Variants in CCDC169 observed in about 807,000 individuals in gnomAD.
CCDC169 encodes the protein coiled-coil domain-containing protein 169.
A neutral mutation model predicts 36.0 loss-of-function variants in CCDC169; 30 were observed. The observed-to-expected ratio is 0.83, with a 90% CI of 0.62 to 1.13. The LOEUF is 1.13. Among genes scored for constraint, CCDC169 ranks in the 50% most tolerant of loss-of-function variants. CCDC169 has a pLI of 0.00. For missense variants in CCDC169, 245 were observed against 245.9 expected (o/e 1.00, Z 0.03); for synonymous variants, 85 against 81.5 (o/e 1.04, Z -0.23).
downstream of CCDC169, among the ~76,000 whole-genome samples, chr13:36,228,203 T>C (rs1283679634): frequency 6.6e-6 from 1 of 152,206 alleles, no homozygotes; most frequent in Non-Finnish European, 1.5e-5. Context: ...TGCTGTGTCA[T>C]ATAGTAACTC....
chr13:36,249,004 C>G (rs73167278), intron 6 of CCDC169, among the ~76,000 whole-genome samples: 21,139 of 152,090 alleles, frequency 0.14, 1,974 homozygotes, highest in Non-Finnish European at 0.2. Context: ...ATGCAGGCAC[C>G]CTGCCATTAC....
chr13:36,246,788 G>T (rs1451362734), intron 7 of CCDC169, among the ~76,000 whole-genome samples: 1 of 152,156 alleles, frequency 6.6e-6, no homozygotes, highest in Non-Finnish European at 1.5e-5. Flanking sequence ...GATGCAAGCT[G>T]AGAAAAGTGG....
downstream of CCDC169, among the ~76,000 whole-genome samples, chr13:36,229,383 A>C (rs1460439638): frequency 6.6e-6 from 1 of 152,146 alleles, no homozygotes; most frequent in East Asian, 1.9e-4. Context: ...ACCAACACTT[A>C]AATGTAATAG....
In CCDC169 at chr13:36,297,673, C is replaced by A; in HGVS notation, c.47G>T (p.Arg16Leu). 6.4e-7 allele frequency: 1 copy of A among 1,551,260 alleles called. No individual in the cohort carries two copies. Among genetic ancestry groups the A allele is most frequent in the East Asian group, 2.4e-5 (1 of 40,906 alleles). The change falls in exon 1 of 8, where the codon CGC (arginine) becomes CTC (leucine). Residue 16 changes from arginine (R) to leucine (L), a missense_variant. Coordinates refer to ENST00000239859, the MANE Select transcript of CCDC169 (RefSeq NM_001144981.3). ...TTCTTCCAGCAACTGCTGTTTCAGG[C>A]GGTTGGTGCTCACACCGTCGAAGTT... The part of the protein sequence containing the change: ...NYNFDGVSTN[R>L]LKQQLLEEVR...
intron 7 of CCDC169, among the ~76,000 whole-genome samples, chr13:36,236,474 C>T (rs1871094799): frequency 6.6e-6 from 1 of 151,890 alleles, no homozygotes; most frequent in Non-Finnish European, 1.5e-5. Context: ...GGACGCCTAC[C>T]TCACATCATA....
At chr13:36,268,766 A>G (rs976557047) in intron 4 of CCDC169, among the ~76,000 whole-genome samples, 1 of 152,220 alleles carries the variant, frequency 6.6e-6, no homozygotes, top group Non-Finnish European at 1.5e-5. Flanking sequence ...AAGCTCAATT[A>G]GAAATGATCC....
At chr13:36,292,412 TAAAAAA>T (rs904786448) in intron 2 of CCDC169, among the ~76,000 whole-genome samples, 2 of 151,460 alleles carry the variant, frequency 1.3e-5, no homozygotes, top group African/African-American at 4.9e-5. Flanking sequence ...TCTTCTTGCT[TAAAAAA>T]AAAGTCACCT....
At chr13:36,250,214 T>C (rs967005078) in intron 6 of CCDC169, among the ~76,000 whole-genome samples, 6 of 152,028 alleles carry the variant, frequency 3.9e-5, no homozygotes, top group African/African-American at 1.5e-4. Context: ...TAGGTAAAAG[T>C]AACAGTAAGG....
At chr13:36,242,262 C>G (rs1303961177) in intron 7 of CCDC169, among the ~76,000 whole-genome samples, 1 of 152,174 alleles carries the variant, frequency 6.6e-6, no homozygotes. Context: ...ACATCCTTGA[C>G]AACACTTGGA....
intron 2 of CCDC169, among the ~76,000 whole-genome samples, chr13:36,285,384 A>G (rs1217137375): frequency 6.6e-6 from 1 of 152,036 alleles, no homozygotes; most frequent in Non-Finnish European, 1.5e-5. Context: ...CCCCGTCTCT[A>G]CTAAAGAATA....
intron 4 of CCDC169, among the ~76,000 whole-genome samples, chr13:36,275,816 TCA>T (rs1876729046): frequency 6.6e-6 from 1 of 152,060 alleles, no homozygotes; most frequent in South Asian, 2.1e-4. Context: ...GAAATTAGTA[TCA>T]CAGTCAGGAA....
chr13:36,253,560 T>C (rs9546883), intron 6 of CCDC169, among the ~76,000 whole-genome samples: 61,372 of 151,906 alleles, frequency 0.4, 13,174 homozygotes, highest in Non-Finnish European at 0.48. Context: ...TGGTCTCAAA[T>C]GCCTGACCTC....
intron 4 of CCDC169, among the ~76,000 whole-genome samples, chr13:36,266,599 C>A (rs191102977): frequency 2.0e-5 from 3 of 152,310 alleles, no homozygotes; most frequent in African/African-American, 7.2e-5. Flanking sequence ...CACCCTTCCA[C>A]TACTGGTATA....
At position 36,276,881 on chromosome 13, in the gene CCDC169, T is replaced by C. The variant is rs184054868; in HGVS notation, c.315+6588A>G. On this transcript the variant is annotated intron_variant, in intron 4 of 7. Coordinates refer to ENST00000239859, the MANE Select transcript of CCDC169 (RefSeq NM_001144981.3). ...GTTGATCTTAAGTTGTGCTCTGTAA[T>C]AGAGCCTATTGTGAGGTCTGCCAAA... 1.1e-3 allele frequency among the ~76,000 whole-genome samples: 168 copies of C among 152,262 alleles called. 1 individual carries two copies. The highest frequency in any genetic ancestry group is 4.1e-4 in the Non-Finnish European group (28 of 68,022).
At chr13:36,235,972 T>C (rs1018729741) in intron 7 of CCDC169, among the ~76,000 whole-genome samples, 17 of 151,986 alleles carry the variant, frequency 1.1e-4, no homozygotes, top group African/African-American at 4.1e-4. Flanking sequence ...TACACTAAAA[T>C]CTATAAAATA....
chr13:36,226,982 A>G, downstream of CCDC169: 1 of 427,210 alleles, frequency 2.3e-6, no homozygotes, highest in East Asian at 3.3e-5. Flanking sequence ...AAAAAATAAA[A>G]TCCTTATCTC....
intron 7 of CCDC169, among the ~76,000 whole-genome samples, chr13:36,234,875 A>G (rs1870891167): frequency 1.3e-5 from 2 of 152,178 alleles, no homozygotes; most frequent in Admixed American, 6.5e-5. Context: ...GTGTAAATTC[A>G]CATGAAGAAA....
chr13:36,263,515 C>T (rs1874861586), intron 4 of CCDC169, among the ~76,000 whole-genome samples: 1 of 152,110 alleles, frequency 6.6e-6, no homozygotes. Flanking sequence ...TTAGATACTT[C>T]TTAACAATTA....
chr13:36,259,149 A>C (rs1056927682), intron 4 of CCDC169, among the ~76,000 whole-genome samples: 6 of 152,136 alleles, frequency 3.9e-5, no homozygotes, highest in Non-Finnish European at 7.4e-5. Flanking sequence ...GACTAAAGTG[A>C]TGAGAGCCGC....
Sources: allele counts gnomAD v4.1 joint callset (sites outside exome capture counted in the v4.1 genomes callset), GRCh38; gene constraint gnomAD v4.1.1; transcripts MANE v1.5; gene names NCBI Gene and HGNC (gene_info 2026-07-23, HGNC 2026-07-21).